CNTNAP3: variants seen among roughly 807,000 people sequenced by gnomAD.
The protein encoded by CNTNAP3 is contactin-associated protein-like 3.
A neutral mutation model predicts 92.1 loss-of-function variants in CNTNAP3; 36 were observed. The observed-to-expected ratio is 0.39, with a 90% CI of 0.30 to 0.52. The LOEUF is 0.52. CNTNAP3 is among the 20% of genes least tolerant of loss of function. The probability of loss-of-function intolerance (pLI) is 0.76; values close to 1 mark genes in which losing one functional copy is unlikely to be tolerated. For missense variants in CNTNAP3, 534 were observed against 1,069.6 expected (o/e 0.50, Z 6.98); for synonymous variants, 232 against 422.3 (o/e 0.55, Z 5.53).
chr9:39,075,608 C>T (rs1426122954), intron 23 of CNTNAP3, among the ~76,000 whole-genome samples: 2 of 152,296 alleles, frequency 1.3e-5, no homozygotes, highest in African/African-American at 4.8e-5. Flanking sequence ...TTACCGGAGA[C>T]CATTCTTACC....
At chr9:39,100,628 A>T (rs1203800759) in intron 17 of CNTNAP3, among the ~76,000 whole-genome samples, 3 of 151,938 alleles carry the variant, frequency 2.0e-5, no homozygotes, top group Admixed American at 6.6e-5. Flanking sequence ...ACTTGGATGG[A>T]CTCTAAAAAT....
Position 39,066,385 on chromosome 9 carries a change from G to A in CNTNAP3, c.*7505C>T, listed in dbSNP as rs1825509466. Reference sequence around the variant, plus strand: ...CCAATTATCTTTAAAAGATATTTAAGTAATAAGGGCAGGTATTGTATATTT... The same window carrying A: ...CCAATTATCTTTAAAAGATATTTAAATAATAAGGGCAGGTATTGTATATTT... On this transcript the variant is annotated 3_prime_UTR_variant, in exon 24 of 24. Coordinates refer to ENST00000297668, the MANE Select transcript of CNTNAP3 (RefSeq NM_033655.5). 6.6e-6 allele frequency among the ~76,000 whole-genome samples: 1 copy of A among 152,060 alleles called. No homozygotes were observed. Among genetic ancestry groups the A allele is most frequent in the African/African-American group, 2.4e-5 (1 of 41,412 alleles).
intron 13 of CNTNAP3, among the ~76,000 whole-genome samples, chr9:39,123,389 C>T (rs1172730931): frequency 6.6e-6 from 1 of 152,110 alleles, no homozygotes; most frequent in South Asian, 2.1e-4. Context: ...AGTCACCGCG[C>T]CCGACCCTGT....
intron 13 of CNTNAP3, among the ~76,000 whole-genome samples, chr9:39,121,143 AT>A (rs1398393071): frequency 2.0e-5 from 3 of 151,736 alleles, no homozygotes; most frequent in African/African-American, 7.3e-5. Flanking sequence ...CTGAAAAAAA[AT>A]AACACAACGA....
At chr9:39,130,749 C>T (rs1433897398) in intron 13 of CNTNAP3, among the ~76,000 whole-genome samples, 1 of 151,844 alleles carries the variant, frequency 6.6e-6, no homozygotes, top group Non-Finnish European at 1.5e-5. Context: ...GTGATCCGCC[C>T]GCCTCGGCCT....
intron 12 of CNTNAP3, among the ~76,000 whole-genome samples, chr9:39,138,697 C>T (rs1821500961): frequency 5.3e-5 from 8 of 152,204 alleles, no homozygotes; most frequent in Admixed American, 5.2e-4. Flanking sequence ...CTGGGTCTTC[C>T]TGGAGTTTTT....
chr9:39,085,793 A>C lies in CNTNAP3; in HGVS notation c.3385T>G (p.Leu1129Val). 6.4e-7 allele frequency: 1 copy of C among 1,563,584 alleles called. No individual in the cohort carries two copies. The highest frequency in any genetic ancestry group is 8.7e-7 in the Non-Finnish European group (1 of 1,143,330). Residue 1129 changes from leucine to valine, a missense_variant, in exon 21 of 24, where the codon TTG becomes GTG. Transcript: ENST00000297668. ...VNQSTKKQVI[L>V]SSGTEFNAVK... ...GCGTTGAATTCTGTCCCTGAGGACAAGATGACTTGTTTCTTTGTGCTCTGG... is the reference window on the plus strand; with the variant it reads ...GCGTTGAATTCTGTCCCTGAGGACACGATGACTTGTTTCTTTGTGCTCTGG...
At chr9:39,112,540 A>G (rs1340011369) in intron 14 of CNTNAP3, among the ~76,000 whole-genome samples, 4 of 151,946 alleles carry the variant, frequency 2.6e-5, no homozygotes, top group Non-Finnish European at 5.9e-5. Flanking sequence ...TAATTTTTGT[A>G]TTTTTAGTAT....
intron 15 of CNTNAP3, among the ~76,000 whole-genome samples, chr9:39,104,518 ACACT>A (rs1826552817): frequency 6.8e-6 from 1 of 147,056 alleles, no homozygotes; most frequent in Non-Finnish European, 1.5e-5. Context: ...ACACACACAC[ACACT>A]GTCTTAATTC....
chr9:39,145,105 G>C (rs1821668041), intron 10 of CNTNAP3, among the ~76,000 whole-genome samples: 1 of 138,964 alleles, frequency 7.2e-6, no homozygotes, highest in Non-Finnish European at 1.6e-5. Flanking sequence ...CTATAATATT[G>C]GGGGCCTAGC....
chr9:39,120,448 G>A (rs924843253), intron 13 of CNTNAP3, among the ~76,000 whole-genome samples: 7 of 152,178 alleles, frequency 4.6e-5, no homozygotes, highest in African/African-American at 4.8e-5. Context: ...GCCGAGGTGG[G>A]CGGATCACGA....
intron 12 of CNTNAP3, among the ~76,000 whole-genome samples, chr9:39,134,647 T>G (rs933103759): frequency 4.6e-5 from 7 of 152,126 alleles, no homozygotes; most frequent in Non-Finnish European, 1.0e-4. Context: ...AGGCTGGTCT[T>G]GAACTCCCAA....
chr9:39,161,875 C>G (rs1278771611), intron 9 of CNTNAP3, among the ~76,000 whole-genome samples: 1 of 116,816 alleles, frequency 8.6e-6, no homozygotes, highest in Admixed American at 8.2e-5. Context: ...AAGCCTATAA[C>G]TACAAAAATC....
chr9:39,131,115 AT>A (rs879454033), intron 13 of CNTNAP3, among the ~76,000 whole-genome samples: 216 of 145,646 alleles, frequency 1.5e-3, no homozygotes, highest in African/African-American at 3.8e-3. Context: ...TCACCTGGGG[AT>A]TTTTTTTTTA....
At position 39,149,190 on chromosome 9, in the gene CNTNAP3, C is replaced by T. The variant is rs1453672677; in HGVS notation, c.1649+616G>A. Among the ~76,000 whole-genome samples, 11 of 152,162 alleles carry T rather than the reference C, an allele frequency of 7.2e-5. No individual in the cohort carries two copies. In the South Asian group the frequency reaches 2.3e-3, roughly 32 times the overall value. Reference sequence around the variant, plus strand: ...TGGCAAATTCCTCTGCCTGGAAAAACATCATCCAACTGATGGGTGTGGGGT... The same window carrying T: ...TGGCAAATTCCTCTGCCTGGAAAAATATCATCCAACTGATGGGTGTGGGGT... On this transcript the variant is annotated intron_variant, in intron 10 of 23. Coordinates refer to ENST00000297668, the MANE Select transcript of CNTNAP3 (RefSeq NM_033655.5).
rs1302517554 is a variant in CNTNAP3 at position 39,253,014 on chromosome 9, T to C, written c.197-13828A>G. ...ATGTATATATTCCTGCAACTGAATA[T>C]ACACACACACACACACACACACACA... is the stretch of plus-strand genomic sequence containing the variant. On this transcript the variant is annotated intron_variant, in intron 2 of 23. Coordinates refer to ENST00000297668, the MANE Select transcript of CNTNAP3 (RefSeq NM_033655.5). Among the ~76,000 whole-genome samples, 4 of 3,606 alleles carry C rather than the reference T, an allele frequency of 1.1e-3. 1 individual carries two copies. The highest frequency in any genetic ancestry group is 1.2e-3 in the African/African-American group (4 of 3,372). The allele number at this position is 3,606 out of a possible 152,430, so 2.4% of individuals were successfully genotyped here.
intron 9 of CNTNAP3, among the ~76,000 whole-genome samples, chr9:39,153,858 C>G (rs1352735484): frequency 1.4e-5 from 2 of 145,558 alleles, no homozygotes; most frequent in Non-Finnish European, 3.0e-5. Flanking sequence ...CGCGTCTGGC[C>G]TAAACTTTCT....
intron 9 of CNTNAP3, chr9:39,159,739 T>C (rs1165329208): frequency 7.6e-6 from 1 of 130,786 alleles, no homozygotes; most frequent in East Asian, 2.4e-4. Context: ...TTTTTGGCCA[T>C]TGTCCAAGGG....
chr9:39,136,657 T>G (rs1019414615), intron 12 of CNTNAP3, among the ~76,000 whole-genome samples: 6 of 152,126 alleles, frequency 3.9e-5, no homozygotes, highest in Non-Finnish European at 5.9e-5. Flanking sequence ...TCCCAGCACT[T>G]TGGGAGGCTG....
Sources: allele counts gnomAD v4.1 joint callset (sites outside exome capture counted in the v4.1 genomes callset), GRCh38; gene constraint gnomAD v4.1.1; transcripts MANE v1.5; gene names NCBI Gene and HGNC (gene_info 2026-07-23, HGNC 2026-07-21).